The following KCNMB2 variants were observed in gnomAD, a reference collection of about 807,000 sequenced individuals.
KCNMB2 encodes calcium-activated potassium channel subunit beta-2.
KCNMB2 carries 9 observed loss-of-function variants against 24.5 expected under a neutral mutation model. That is an observed-to-expected ratio of 0.37 (90% confidence interval 0.22 to 0.64). The LOEUF (loss-of-function observed/expected upper bound fraction) is 0.64. Ranked by LOEUF, KCNMB2 falls within the 30% of genes least tolerant of loss-of-function variation. KCNMB2 has a pLI of 0.63. For synonymous variants in KCNMB2, 109 were observed against 104.4 expected, an observed-to-expected ratio of 1.04 and a Z score of -0.27; for missense variants, 226 against 284.3, an observed-to-expected ratio of 0.79 and a Z score of 1.47.
intron 1 of KCNMB2, among the ~76,000 whole-genome samples, chr3:178,740,221 C>T (rs1176639855): frequency 6.6e-6 from 1 of 151,976 alleles, no homozygotes. Flanking sequence ...TGGGTTCACA[C>T]CATTCCCCTA....
intron 1 of KCNMB2, among the ~76,000 whole-genome samples, chr3:178,606,870 A>T (rs1314748746): frequency 6.6e-6 from 1 of 152,158 alleles, no homozygotes; most frequent in Non-Finnish European, 1.5e-5. Context: ...GAAATACAAG[A>T]TGAGATACCA....
chr3:178,732,757 G>C (rs1209859107), intron 1 of KCNMB2, among the ~76,000 whole-genome samples: 1 of 152,190 alleles, frequency 6.6e-6, no homozygotes, highest in African/African-American at 2.4e-5. Flanking sequence ...GTTGTGTATT[G>C]ATCTATTGAT....
intron 1 of KCNMB2, among the ~76,000 whole-genome samples, chr3:178,690,586 T>A (rs2108328520): frequency 6.6e-6 from 1 of 152,142 alleles, no homozygotes; most frequent in African/African-American, 2.4e-5. Flanking sequence ...AATGGGGATG[T>A]AGATTTTTGT....
At chr3:178,571,868 C>A (rs1360559338) in intron 1 of KCNMB2, among the ~76,000 whole-genome samples, 1 of 151,948 alleles carries the variant, frequency 6.6e-6, no homozygotes, top group African/African-American at 2.4e-5. Flanking sequence ...GAAGTCATTC[C>A]TTTTTACGGC....
At chr3:178,706,576 G>A (rs187449612) in intron 1 of KCNMB2, among the ~76,000 whole-genome samples, 16 of 152,060 alleles carry the variant, frequency 1.1e-4, no homozygotes, top group Admixed American at 7.2e-4. Flanking sequence ...CAGCACTACT[G>A]AGCCCTCAGG....
intron 1 of KCNMB2, among the ~76,000 whole-genome samples, chr3:178,797,551 A>G (rs1713599321): frequency 6.6e-6 from 1 of 152,168 alleles, no homozygotes; most frequent in Admixed American, 6.5e-5. Context: ...TTTATCCCAG[A>G]GATGCATGGA....
chr3:178,608,255 C>T (rs1718348886), intron 1 of KCNMB2, among the ~76,000 whole-genome samples: 1 of 152,172 alleles, frequency 6.6e-6, no homozygotes, highest in Admixed American at 6.5e-5. Context: ...TATAATTTTA[C>T]CCATAGGCTG....
intron 1 of KCNMB2, among the ~76,000 whole-genome samples, chr3:178,592,652 A>G (rs767056825): frequency 1.4e-4 from 21 of 152,086 alleles, no homozygotes; most frequent in Non-Finnish European, 1.0e-4. Flanking sequence ...GGGTTATACT[A>G]TTGTCTTTTT....
intron 1 of KCNMB2, among the ~76,000 whole-genome samples, chr3:178,625,177 C>T (rs961288470): frequency 6.6e-6 from 1 of 152,092 alleles, no homozygotes; most frequent in Non-Finnish European, 1.5e-5. Flanking sequence ...CCAGGGGGCA[C>T]CTCTTGGGGT....
At chr3:178,780,699 C>T (rs757827114) in intron 1 of KCNMB2, among the ~76,000 whole-genome samples, 1 of 152,152 alleles carries the variant, frequency 6.6e-6, no homozygotes, top group Non-Finnish European at 1.5e-5. Context: ...GTATCTACTA[C>T]TTGAAAATTT....
chr3:178,598,467 C>G (rs1717957700), intron 1 of KCNMB2, among the ~76,000 whole-genome samples: 1 of 152,050 alleles, frequency 6.6e-6, no homozygotes, highest in Admixed American at 6.6e-5. Context: ...GGTAAGGAAA[C>G]TTTTCCCAGT....
chr3:178,646,952 T>C (rs1719943609), intron 1 of KCNMB2, among the ~76,000 whole-genome samples: 1 of 152,234 alleles, frequency 6.6e-6, no homozygotes, highest in Non-Finnish European at 1.5e-5. Context: ...GTTGGATAAA[T>C]GCTAAGAAGC....
At chr3:178,689,154 A>G (rs942261625) in intron 1 of KCNMB2, among the ~76,000 whole-genome samples, 8 of 152,112 alleles carry the variant, frequency 5.3e-5, no homozygotes, top group African/African-American at 1.9e-4. Context: ...TTCTATTGTT[A>G]TAGTGGATTT....
chr3:178,789,208 T>G (rs1404862884), intron 1 of KCNMB2, among the ~76,000 whole-genome samples: 1 of 152,222 alleles, frequency 6.6e-6, no homozygotes, highest in African/African-American at 2.4e-5. Context: ...CTGAAACAGA[T>G]GTCAATGCGT....
chr3:178,640,067 A>AG (rs11373796), intron 1 of KCNMB2, among the ~76,000 whole-genome samples: 104,621 of 151,998 alleles, frequency 0.69, 36,562 homozygotes, highest in African/African-American at 0.83. Context: ...TAGAAAAAAA[A>AG]AATGCCATGA....
chr3:178,734,794 C>T (rs1036429546), intron 1 of KCNMB2, among the ~76,000 whole-genome samples: 2 of 152,286 alleles, frequency 1.3e-5, no homozygotes, highest in East Asian at 3.9e-4. Context: ...CAATTGATTA[C>T]AGTATATCTA....
At chr3:178,738,247 T>C (rs1008000495) in intron 1 of KCNMB2, among the ~76,000 whole-genome samples, 4 of 152,132 alleles carry the variant, frequency 2.6e-5, no homozygotes, top group African/African-American at 9.7e-5. Context: ...ACACCAAGTC[T>C]GCTCTTCAAC....
chr3:178,591,307 C>G (rs954060882), intron 1 of KCNMB2, among the ~76,000 whole-genome samples: 2 of 152,194 alleles, frequency 1.3e-5, no homozygotes, highest in Non-Finnish European at 2.9e-5. Context: ...CTGACTGTTT[C>G]ACATTCCTTG....
At chr3:178,823,393 A>G (rs6765682) in intron 2 of KCNMB2, among the ~76,000 whole-genome samples, 39,748 of 151,952 alleles carry the variant, frequency 0.26, 7,015 homozygotes, top group African/African-American at 0.51. Context: ...AGGAAAGACA[A>G]GGCCGTGAAA....
Sources: gnomAD v4.1 joint callset for allele counts (sites outside exome capture counted in the v4.1 genomes callset) on GRCh38, gnomAD v4.1.1 for gene constraint, MANE v1.5 for transcripts, NCBI Gene and HGNC (gene_info 2026-07-23, HGNC 2026-07-21) for gene names.